The following EYS variants were observed in gnomAD, a reference collection of about 807,000 sequenced individuals.
The protein encoded by EYS is EGF-like photoreceptor maintenance factor, also known as protein eyes shut homolog.
Under a neutral mutation model 282.1 loss-of-function variants are expected in EYS, and 250 were observed. The observed-to-expected ratio is 0.89, with a 90% CI of 0.80 to 0.98. EYS has a LOEUF of 0.98. EYS is among the 50% of genes least tolerant of loss of function. The probability of loss-of-function intolerance (pLI) is 0.00; values close to 1 mark genes in which losing one functional copy is unlikely to be tolerated. For synonymous variants in EYS, 1,355 were observed against 1,282.9 expected, an observed-to-expected ratio of 1.06 and a Z score of -1.20; for missense variants, 4,016 against 3,709.0, an observed-to-expected ratio of 1.08 and a Z score of -2.15.
chr6:65,158,945 C>A (rs986907745), intron 12 of EYS, among the ~76,000 whole-genome samples: 3 of 150,848 alleles, frequency 2.0e-5, no homozygotes, highest in Non-Finnish European at 4.5e-5. Flanking sequence ...ACCAAGCATG[C>A]AACCAACAAA....
intron 36 of EYS, among the ~76,000 whole-genome samples, chr6:63,856,499 A>G (rs538912135): frequency 6.6e-6 from 1 of 152,326 alleles, no homozygotes; most frequent in East Asian, 1.9e-4. Flanking sequence ...AGAGGCAAAC[A>G]GTCAGAGTTT....
rs1319951699 is a variant in EYS, at chr6:63,975,368, T to C, written c.7055+9015A>G. On this transcript the variant is annotated intron_variant, in intron 35 of 42. Transcript: ENST00000503581. The stretch of plus-strand genomic sequence containing the variant: ...TAGTATAAAAGAAGGGACAGATTGA[T>C]GGTATGAAGGACACATATCCTATTT... Among the ~76,000 whole-genome samples the C allele has an allele frequency of 2.0e-5, 3 of 152,002 alleles. No individual in the cohort carries two copies. The East Asian group carries it at 5.8e-4, about 29-fold the overall frequency.
intron 35 of EYS, among the ~76,000 whole-genome samples, chr6:63,972,979 A>G (rs1161632056): frequency 1.3e-5 from 2 of 152,096 alleles, no homozygotes; most frequent in East Asian, 3.9e-4. Context: ...CCTATTGTGA[A>G]TAGTGCTGCA....
chr6:65,472,534 T>C (rs539042236), intron 5 of EYS, among the ~76,000 whole-genome samples: 1 of 152,148 alleles, frequency 6.6e-6, no homozygotes, highest in South Asian at 2.1e-4. Context: ...CCTGAACAAC[T>C]CTTCATTATG....
intron 26 of EYS, among the ~76,000 whole-genome samples, chr6:64,451,390 G>C (rs1245986904): frequency 6.6e-6 from 1 of 151,968 alleles, no homozygotes; most frequent in Non-Finnish European, 1.5e-5. Context: ...CAAAAAAAGT[G>C]CAGGACCAGA....
chr6:64,090,270 T>G (rs1314601306), intron 31 of EYS, among the ~76,000 whole-genome samples: 1 of 152,208 alleles, frequency 6.6e-6, no homozygotes, highest in East Asian at 1.9e-4. Context: ...CCTATAACTT[T>G]AGCTACTTTC....
At chr6:65,344,753 CA>C (rs996593808) in intron 9 of EYS, among the ~76,000 whole-genome samples, 2 of 150,894 alleles carry the variant, frequency 1.3e-5, no homozygotes, top group Non-Finnish European at 3.0e-5. Flanking sequence ...AAAAACCAAA[CA>C]AAAAAATGGT....
rs540785677 is a variant in EYS, at chr6:65,656,569, G to C, written c.-447-16677C>G. Among the ~76,000 whole-genome samples the C allele has an allele frequency of 5.3e-5, 8 of 152,014 alleles. No individual in the cohort carries two copies. In the South Asian group the frequency reaches 1.7e-3, roughly 31 times the overall value. On this transcript the variant is annotated intron_variant, in intron 1 of 42. Transcript: ENST00000503581. The stretch of plus-strand genomic sequence containing the variant: ...CTCTTCAATTACGTGAAGACAGAGA[G>C]ATGAGGAAGTTACAGAAGAAAAGTT...
Position 64,131,162 on chromosome 6 carries a change from C to T in EYS, c.6425-49160G>A, listed in dbSNP as rs184861325. On this transcript the variant is annotated intron_variant, in intron 31 of 42. Transcript: ENST00000503581. ...GATTACAGGCATGAGCCACTGGACC[C>T]GGTGTGAATTTTTAATTCTCATGAT... Among the ~76,000 whole-genome samples, 201 of 152,158 alleles carry T rather than the reference C, an allele frequency of 1.3e-3. 2 individuals are homozygous for T. The highest frequency in any genetic ancestry group is 9.4e-4 in the Non-Finnish European group (64 of 67,996).
chr6:64,415,256 T>C (rs538440886), intron 28 of EYS, among the ~76,000 whole-genome samples: 2 of 152,194 alleles, frequency 1.3e-5, no homozygotes, highest in South Asian at 4.1e-4. Context: ...TTCATGTAAC[T>C]ATAGGTAAAT....
intron 24 of EYS, among the ~76,000 whole-genome samples, chr6:64,613,103 G>A (rs1767162307): frequency 6.6e-6 from 1 of 152,096 alleles, no homozygotes; most frequent in Non-Finnish European, 1.5e-5. Context: ...GATTGCATGT[G>A]CTACTGTATC....
intron 29 of EYS, among the ~76,000 whole-genome samples, chr6:64,325,789 T>A (rs1041686166): frequency 6.6e-6 from 1 of 152,046 alleles, no homozygotes; most frequent in Non-Finnish European, 1.5e-5. Flanking sequence ...CTCAGCAATA[T>A]AATTGAACAA....
At chr6:63,730,740 G>A (rs12208913) in intron 41 of EYS, among the ~76,000 whole-genome samples, 16 of 152,082 alleles carry the variant, frequency 1.1e-4, no homozygotes, top group Non-Finnish European at 1.9e-4. Flanking sequence ...TTTTGTTATC[G>A]TCTGGGCATG....
chr6:63,985,795 A>T (rs1468136383), intron 34 of EYS, among the ~76,000 whole-genome samples: 2 of 151,860 alleles, frequency 1.3e-5, no homozygotes, highest in South Asian at 4.1e-4. Context: ...GGATTACTTA[A>T]ATGTAAAACC....
In EYS at chr6:65,301,726, A is replaced by G. The variant is rs182623891; in HGVS notation, c.1767-5607T>C. ...AGCGTGGGAGTCAAGAGCAACAGGGACACTTCCGTACTCCTTGTAGGATTG... is the reference window on the plus strand; with the variant it reads ...AGCGTGGGAGTCAAGAGCAACAGGGGCACTTCCGTACTCCTTGTAGGATTG... On this transcript the variant is annotated intron_variant, in intron 11 of 42. Coordinates refer to ENST00000503581, the MANE Select transcript of EYS (RefSeq NM_001142800.2). 4.7e-3 allele frequency among the ~76,000 whole-genome samples: 719 copies of G among 152,292 alleles called. 1 individual carries two copies. Among genetic ancestry groups the G allele is most frequent in the African/African-American group, 0.016 (676 of 41,546 alleles).
chr6:65,311,071 T>C (rs1340812084), intron 11 of EYS, among the ~76,000 whole-genome samples: 1 of 152,062 alleles, frequency 6.6e-6, no homozygotes, highest in African/African-American at 2.4e-5. Context: ...TATTATTTTT[T>C]GAGGAGGGAA....
At chr6:65,411,037 T>G (rs1279080550) in intron 5 of EYS, among the ~76,000 whole-genome samples, 1 of 151,998 alleles carries the variant, frequency 6.6e-6, no homozygotes, top group Non-Finnish European at 1.5e-5. Flanking sequence ...AATGGAAGAT[T>G]GATAATTTTA....
intron 18 of EYS, among the ~76,000 whole-genome samples, chr6:64,887,960 A>G (rs1767152727): frequency 6.6e-6 from 1 of 151,922 alleles, no homozygotes. Context: ...AACATGCAGT[A>G]TTTTTCTTTC....
In EYS at chr6:65,266,977, C is replaced by CATATATAT. The variant is rs1308194470; in HGVS notation, c.2023+28878_2023+28885dup. 5.4e-3 allele frequency among the ~76,000 whole-genome samples: 780 copies of CATATATAT among 143,312 alleles called. 9 individuals carry two copies. Among genetic ancestry groups the CATATATAT allele is most frequent in the African/African-American group, 0.017 (640 of 38,256 alleles). 94.0% of individuals were successfully genotyped at this position (143,312 alleles called of 152,430 possible). ...ATATGCACACACACACATACCTTGACATATATATATATAGAGAGAGAGAGA... is the reference window on the plus strand; with the variant it reads ...ATATGCACACACACACATACCTTGACATATATATATATATATATATAGAGAGAGAGAGA... On this transcript the variant is annotated intron_variant, in intron 12 of 42. Transcript: ENST00000503581.
Sources: allele counts gnomAD v4.1 joint callset (sites outside exome capture counted in the v4.1 genomes callset), GRCh38; gene constraint gnomAD v4.1.1; transcripts MANE v1.5; gene names NCBI Gene and HGNC (gene_info 2026-07-23, HGNC 2026-07-21).